Variants in APBB1IP observed in about 807,000 individuals in gnomAD.
The protein encoded by APBB1IP is amyloid beta precursor protein binding family B member 1 interacting protein.
Under a neutral mutation model 64.9 loss-of-function variants are expected in APBB1IP, and 27 were observed. The observed-to-expected ratio is 0.42, with a 90% CI of 0.31 to 0.57. The LOEUF (loss-of-function observed/expected upper bound fraction) is 0.57, where lower values mean the gene tolerates loss of function less well. APBB1IP is among the 20% of genes least tolerant of loss of function. APBB1IP has a pLI of 0.20. For synonymous variants in APBB1IP, 392 were observed against 331.0 expected, an observed-to-expected ratio of 1.18 and a Z score of -2.00; for missense variants, 812 against 845.5, an observed-to-expected ratio of 0.96 and a Z score of 0.49.
intron 11 of APBB1IP, among the ~76,000 whole-genome samples, chr10:26,553,330 T>C (rs1410733329): frequency 1.3e-5 from 2 of 152,058 alleles, no homozygotes; most frequent in Non-Finnish European, 2.9e-5. Context: ...TCAACTTTTA[T>C]TCTCATAGTT....
intron 2 of APBB1IP, among the ~76,000 whole-genome samples, chr10:26,447,806 T>C (rs1201754488): frequency 1.3e-5 from 2 of 152,104 alleles, no homozygotes; most frequent in Non-Finnish European, 2.9e-5. Flanking sequence ...TCCCATCCCA[T>C]TTTTTTATTT....
At chr10:26,514,835 G>A (rs575799412) in intron 8 of APBB1IP, among the ~76,000 whole-genome samples, 3 of 151,708 alleles carry the variant, frequency 2.0e-5, no homozygotes, top group East Asian at 1.9e-4. Context: ...AAAGTTTTTC[G>A]CCCCTAACTA....
chr10:26,519,686 C>G (rs1332295133), intron 8 of APBB1IP, among the ~76,000 whole-genome samples: 1 of 152,174 alleles, frequency 6.6e-6, no homozygotes, highest in Non-Finnish European at 1.5e-5. Flanking sequence ...TTATTTTGCA[C>G]AAGAATATGT....
At chr10:26,480,653 C>T (rs370873630) in intron 2 of APBB1IP, among the ~76,000 whole-genome samples, 6 of 60,520 alleles carry the variant, frequency 9.9e-5, no homozygotes, top group African/African-American at 4.1e-4. Flanking sequence ...TTTTGGTAAA[C>T]ATGGGATTTC....
chr10:26,520,647 A>C (rs1836391612), intron 8 of APBB1IP, among the ~76,000 whole-genome samples: 1 of 152,216 alleles, frequency 6.6e-6, no homozygotes, highest in South Asian at 2.1e-4. Context: ...TGCAGGCATA[A>C]TTGCTAGGCA....
intron 2 of APBB1IP, among the ~76,000 whole-genome samples, chr10:26,465,304 A>T (rs1340403326): frequency 1.3e-5 from 2 of 152,206 alleles, no homozygotes; most frequent in African/African-American, 2.4e-5. Flanking sequence ...TGCTTCATGA[A>T]TGTGCTCAGA....
At chr10:26,462,849 A>G (rs1308693076) in intron 2 of APBB1IP, among the ~76,000 whole-genome samples, 1 of 152,124 alleles carries the variant, frequency 6.6e-6, no homozygotes, top group Admixed American at 6.5e-5. Flanking sequence ...TCGATGCTTC[A>G]TGCTCTTGTT....
At chr10:26,544,316 GA>G (rs761604588) in intron 11 of APBB1IP, among the ~76,000 whole-genome samples, 116 of 152,332 alleles carry the variant, frequency 7.6e-4, no homozygotes, top group Non-Finnish European at 1.3e-3. Context: ...GAAATTTTCT[GA>G]AACACTGGTC....
chr10:26,536,045 G>A (rs1239848881), intron 9 of APBB1IP, 29 bp from the exon 10 acceptor site: 2 of 1,564,930 alleles, frequency 1.3e-6, no homozygotes, highest in Non-Finnish European at 8.6e-7. Flanking sequence ...TTTCGTGTGT[G>A]TCTTATGTCG....
chr10:26,542,532 G>A (rs787044), intron 11 of APBB1IP, among the ~76,000 whole-genome samples: 3,935 of 152,280 alleles, frequency 0.026, 78 homozygotes, highest in Middle Eastern at 0.041. Context: ...CATGTGATGC[G>A]TTACGGGTCT....
At chr10:26,446,344 G>T (rs1225441272) in intron 2 of APBB1IP, among the ~76,000 whole-genome samples, 2 of 152,136 alleles carry the variant, frequency 1.3e-5, no homozygotes, top group East Asian at 1.9e-4. Context: ...TTTCATAAAC[G>T]GTATGGCTTA....
chr10:26,461,678 T>C (rs1835594846), intron 2 of APBB1IP, among the ~76,000 whole-genome samples: 1 of 152,102 alleles, frequency 6.6e-6, no homozygotes, highest in South Asian at 2.1e-4. Flanking sequence ...ACCATTTTAA[T>C]ATGGTAAAGA....
At chr10:26,494,353 A>T (rs78395618) in intron 3 of APBB1IP, among the ~76,000 whole-genome samples, 3,666 of 152,326 alleles carry the variant, frequency 0.024, 148 homozygotes, top group African/African-American at 0.083. Flanking sequence ...AGAATGTCTT[A>T]GAGTGTGCTC....
intron 9 of APBB1IP, among the ~76,000 whole-genome samples, chr10:26,534,754 G>A (rs1279647982): frequency 6.6e-6 from 1 of 152,186 alleles, no homozygotes; most frequent in East Asian, 1.9e-4. Flanking sequence ...GCATTTCCCA[G>A]GGAGGCCCAA....
At chr10:26,438,558 GA>G (rs1316743414) in intron 1 of APBB1IP, 93 bp from the exon 2 acceptor site, 4 of 152,060 alleles carry the variant, frequency 2.6e-5, no homozygotes, top group Admixed American at 2.6e-4. Flanking sequence ...ATGGGGGAGA[GA>G]AAATCAGGCG....
intron 11 of APBB1IP, among the ~76,000 whole-genome samples, chr10:26,542,133 C>A (rs781725000): frequency 1.3e-5 from 2 of 152,044 alleles, no homozygotes; most frequent in Non-Finnish European, 2.9e-5. Context: ...TGTCAAAAGG[C>A]AATAGGTATT....
At chr10:26,531,327 C>T (rs1460023808) in intron 8 of APBB1IP, among the ~76,000 whole-genome samples, 2 of 151,568 alleles carry the variant, frequency 1.3e-5, no homozygotes, top group Non-Finnish European at 2.9e-5. Flanking sequence ...CAGAGCAAGA[C>T]GCTGTCTCAA....
At position 26,495,379 on chromosome 10, in the gene APBB1IP, G is replaced by GTGCCTGT. The variant is rs1459535748; in HGVS notation, c.73-924_73-923insGCCTGTT. Among the ~76,000 whole-genome samples, 74 of 88,456 alleles carry GTGCCTGT rather than the reference G, an allele frequency of 8.4e-4. 1 individual carries two copies. The South Asian group carries it at 0.029, about 35-fold the overall frequency. The allele number at this position is 88,456 out of a possible 152,430, so 58.0% of individuals were successfully genotyped here. ...TTAAGTGAACGTGTGTGGTCTCTCTGTACCTCATTCCTGCAGCCAGTGGGG... is the reference window on the plus strand; with the variant it reads ...TTAAGTGAACGTGTGTGGTCTCTCTGTGCCTGTTACCTCATTCCTGCAGCCAGTGGGG... On this transcript the variant is annotated intron_variant, in intron 3 of 14. Coordinates refer to ENST00000376236, the MANE Select transcript of APBB1IP (RefSeq NM_019043.4).
intron 2 of APBB1IP, among the ~76,000 whole-genome samples, chr10:26,487,268 G>A (rs550456378): frequency 6.7e-6 from 1 of 148,416 alleles, no homozygotes; most frequent in African/African-American, 2.5e-5. Flanking sequence ...AATACCACAC[G>A]TACATATAGG....
Sources: allele counts gnomAD v4.1 joint callset (sites outside exome capture counted in the v4.1 genomes callset), GRCh38; gene constraint gnomAD v4.1.1; transcripts MANE v1.5; gene names NCBI Gene and HGNC (gene_info 2026-07-23, HGNC 2026-07-21).